RAPGEF5: variants seen among roughly 807,000 people sequenced by gnomAD.
The protein encoded by RAPGEF5 is M-Ras-regulated GEF.
A neutral mutation model predicts 125.2 loss-of-function variants in RAPGEF5; 65 were observed. That is an observed-to-expected ratio of 0.52 (90% confidence interval 0.43 to 0.64). RAPGEF5 has a LOEUF of 0.64. Ranked by LOEUF, RAPGEF5 falls within the 30% of genes least tolerant of loss-of-function variation. The pLI, the probability that RAPGEF5 is intolerant of heterozygous loss-of-function variation, is 0.00. For missense variants in RAPGEF5, 958 were observed against 1,048.1 expected, an observed-to-expected ratio of 0.91 and a Z score of 1.19; for synonymous variants, 391 against 385.9, an observed-to-expected ratio of 1.01 and a Z score of -0.16.
intron 1 of RAPGEF5, among the ~76,000 whole-genome samples, chr7:22,342,605 C>T (rs1325003542): frequency 6.6e-6 from 1 of 152,216 alleles, no homozygotes. Flanking sequence ...TTAACACCAC[C>T]CAAGTCACCT....
At chr7:22,147,273 C>G (rs866694447) in intron 18 of RAPGEF5, among the ~76,000 whole-genome samples, 7 of 152,210 alleles carry the variant, frequency 4.6e-5, no homozygotes, top group Admixed American at 3.9e-4. Flanking sequence ...CCTACCCCCA[C>G]GTGCACACAT....
intron 8 of RAPGEF5, among the ~76,000 whole-genome samples, chr7:22,228,412 C>A (rs944029677): frequency 4.6e-5 from 7 of 151,990 alleles, no homozygotes; most frequent in Non-Finnish European, 8.8e-5. Context: ...TGAAGTGCTG[C>A]CTAAGTGTTA....
intron 11 of RAPGEF5, among the ~76,000 whole-genome samples, chr7:22,181,652 G>A (rs561031134): frequency 7.9e-5 from 12 of 152,064 alleles, no homozygotes; most frequent in South Asian, 2.1e-4. Context: ...AGTTTCCCAC[G>A]TTTCTGTCAC....
intron 5 of RAPGEF5, among the ~76,000 whole-genome samples, chr7:22,302,813 C>A (rs1783243200): frequency 8.3e-6 from 1 of 120,696 alleles, no homozygotes; most frequent in Non-Finnish European, 1.6e-5. Flanking sequence ...TGCAGGATGG[C>A]AGTTCATGTA....
chr7:22,316,872 C>T (rs1783610007), intron 2 of RAPGEF5, among the ~76,000 whole-genome samples: 1 of 151,634 alleles, frequency 6.6e-6, no homozygotes, highest in South Asian at 2.1e-4. Flanking sequence ...GAACATCAAC[C>T]CCATCCTTAT....
chr7:22,207,768 A>C (rs1222341466), intron 9 of RAPGEF5, among the ~76,000 whole-genome samples: 1 of 152,166 alleles, frequency 6.6e-6, no homozygotes, highest in Non-Finnish European at 1.5e-5. Context: ...TGACAAGTAT[A>C]TTTTGTAGCT....
chr7:22,290,197 C>T lies in RAPGEF5; in HGVS notation c.747+978G>A, dbSNP rs1782897281. On this transcript the variant is annotated intron_variant, in intron 6 of 25. Transcript: ENST00000665637. ...TGTACAGACCAGTTTCATCCTTACACATAACCCAATCAACCATGATTTTCA... is the reference window on the plus strand; with the variant it reads ...TGTACAGACCAGTTTCATCCTTACATATAACCCAATCAACCATGATTTTCA... Among the ~76,000 whole-genome samples the T allele has an allele frequency of 2.0e-5, 3 of 152,350 alleles. No individual in the cohort carries two copies. In the South Asian group the frequency reaches 6.2e-4, roughly 32 times the overall value.
In RAPGEF5 at chr7:22,259,834, G is replaced by A. The variant is rs1342232387; in HGVS notation, c.796+7130C>T. ...ATGGTTGTCTCGAACTCCTGACCTCGTGATCCACCCACCTTGGCCTCCCAA... is the reference window on the plus strand; with the variant it reads ...ATGGTTGTCTCGAACTCCTGACCTCATGATCCACCCACCTTGGCCTCCCAA... On this transcript the variant is annotated intron_variant, in intron 7 of 25. Transcript: ENST00000665637. 3.9e-5 allele frequency among the ~76,000 whole-genome samples: 6 copies of A among 152,156 alleles called. No individual in the cohort carries two copies. In the South Asian group the frequency reaches 8.3e-4, roughly 21 times the overall value.
intron 24 of RAPGEF5, among the ~76,000 whole-genome samples, chr7:22,126,772 CTGGCTAATTT>C (rs1203067356): frequency 3.3e-5 from 5 of 151,882 alleles, no homozygotes; most frequent in African/African-American, 4.8e-5. Flanking sequence ...TGCATCATAC[CTGGCTAATTT>C]TGGCTAATTT....
In RAPGEF5 at chr7:22,162,445, C is replaced by A; in HGVS notation, c.1380G>T (p.Leu460=). 6.2e-7 allele frequency: 1 copy of A among 1,600,826 alleles called. No homozygotes were observed. The highest frequency in any genetic ancestry group is 1.1e-5 in the South Asian group (1 of 90,844). The change falls in exon 13 of 26, where the codon CTG becomes CTT. Residue 460 remains leucine, a synonymous_variant. Coordinates refer to ENST00000665637, the MANE Select transcript of RAPGEF5 (RefSeq NM_012294.5). ...CATCTTCAGGTAACCAGTCTTTGTA[C>A]AGAGCAATCCACTGGGAAACAAGAT... ...VLHLVSQWIA[L]YKDWLPEDEH...
intron 9 of RAPGEF5, among the ~76,000 whole-genome samples, chr7:22,196,610 C>T (rs1186755539): frequency 1.3e-5 from 2 of 152,170 alleles, no homozygotes; most frequent in Admixed American, 1.3e-4. Flanking sequence ...ACTGGGTCAG[C>T]ACCCTAAGAT....
chr7:22,138,877 C>T (rs1020946324), intron 21 of RAPGEF5, among the ~76,000 whole-genome samples: 3 of 152,216 alleles, frequency 2.0e-5, no homozygotes, highest in African/African-American at 7.2e-5. Context: ...CCTTGCCAAG[C>T]CATTTGTTTT....
chr7:22,194,069 G>A (rs1169896853), intron 9 of RAPGEF5, 36 bp from the exon 10 acceptor site: 2 of 1,535,478 alleles, frequency 1.3e-6, no homozygotes, highest in Admixed American at 1.9e-5. Context: ...ATGAGAGAAG[G>A]AAAAAGAGAG....
At chr7:22,317,839 A>T (rs1044935045) in intron 2 of RAPGEF5, 148 bp downstream of exon 2, 3 of 1,025,972 alleles carry the variant, frequency 2.9e-6, no homozygotes, top group Non-Finnish European at 4.2e-6. Flanking sequence ...GTGTCATCCC[A>T]GGTGGTGAAG....
chr7:22,315,807 TAATA>T (rs924661850), intron 2 of RAPGEF5, among the ~76,000 whole-genome samples: 2 of 151,968 alleles, frequency 1.3e-5, no homozygotes, highest in African/African-American at 4.8e-5. Flanking sequence ...TTTTTAAATA[TAATA>T]TTTATATCAA....
At chr7:22,301,993 C>A (rs73282254) in intron 5 of RAPGEF5, among the ~76,000 whole-genome samples, 3,049 of 152,192 alleles carry the variant, frequency 0.02, 97 homozygotes, top group African/African-American at 0.069. Flanking sequence ...ATTTACATAT[C>A]GTCATATCCC....
chr7:22,212,368 G>A (rs941409535), intron 9 of RAPGEF5, among the ~76,000 whole-genome samples: 3 of 151,950 alleles, frequency 2.0e-5, no homozygotes, highest in Non-Finnish European at 4.4e-5. Context: ...TCTCTCTCAG[G>A]GAAATGTGCA....
intron 8 of RAPGEF5, among the ~76,000 whole-genome samples, chr7:22,221,258 C>T (rs190945705): frequency 2.0e-5 from 3 of 152,268 alleles, no homozygotes; most frequent in African/African-American, 7.2e-5. Context: ...TATCTTAAGA[C>T]AGTCTGTACT....
intron 1 of RAPGEF5, among the ~76,000 whole-genome samples, chr7:22,347,437 G>A (rs1480008221): frequency 3.3e-5 from 5 of 151,868 alleles, no homozygotes; most frequent in African/African-American, 1.2e-4. Flanking sequence ...TTTATTCAAG[G>A]ACACCAATAA....
Sources: allele counts gnomAD v4.1 joint callset (sites outside exome capture counted in the v4.1 genomes callset), GRCh38; gene constraint gnomAD v4.1.1; transcripts MANE v1.5; gene names NCBI Gene and HGNC (gene_info 2026-07-23, HGNC 2026-07-21).